DMD: variants seen among roughly 807,000 people sequenced by gnomAD.
DMD encodes dystrophin.
DMD carries 63 observed loss-of-function variants against 330.1 expected under a neutral mutation model. The observed-to-expected ratio is 0.19, with a 90% confidence interval of 0.16 to 0.24. The LOEUF is 0.24. Ranked by LOEUF, DMD falls within the 10% of genes least tolerant of loss-of-function variation. The pLI, the probability that DMD is intolerant of heterozygous loss-of-function variation, is 1.00. For missense variants in DMD, 3,344 were observed against 2,684.1 expected (o/e 1.25, Z -5.43); for synonymous variants, 1,223 against 959.8 (o/e 1.27, Z -5.07).
chrX:32,780,093 G>A (rs998036597), intron 7 of DMD, among the ~76,000 whole-genome samples: 2 of 111,711 alleles, frequency 1.8e-5, no homozygotes, highest in African/African-American at 6.5e-5. Context: ...TACCCGATAT[G>A]TAGTGTGTAT....
intron 25 of DMD, among the ~76,000 whole-genome samples, chrX:32,461,417 C>A (rs759681411): frequency 1.6e-4 from 18 of 111,144 alleles, no homozygotes; most frequent in Non-Finnish European, 2.8e-4. Context: ...AGGAAAAGCA[C>A]AGATACATAT....
chrX:32,141,196 C>A (rs1460690769), intron 44 of DMD, among the ~76,000 whole-genome samples: 1 of 107,937 alleles, frequency 9.3e-6, no homozygotes, highest in East Asian at 2.9e-4. Flanking sequence ...GAGGCTGAGT[C>A]GGGTGGATGA....
At chrX:31,377,311 T>C (rs1244784704) in intron 60 of DMD, among the ~76,000 whole-genome samples, 1 of 111,839 alleles carries the variant, frequency 8.9e-6, no homozygotes, top group Non-Finnish European at 1.9e-5. Flanking sequence ...TTCAGCTCAA[T>C]GCAAGAGATA....
chrX:32,694,390 C>T (rs747638161), intron 9 of DMD, among the ~76,000 whole-genome samples: 19 of 111,937 alleles, frequency 1.7e-4, no homozygotes, highest in African/African-American at 4.2e-4. Flanking sequence ...GAAATCCTAA[C>T]GTTCACTCCC....
intron 49 of DMD, among the ~76,000 whole-genome samples, chrX:31,832,593 C>T (rs2093076471): frequency 8.9e-6 from 1 of 112,010 alleles, no homozygotes; most frequent in Admixed American, 9.5e-5. Flanking sequence ...TGGGATGGAA[C>T]GCTTTGGCCA....
At chrX:31,283,483 T>G (rs1331199996) in intron 62 of DMD, among the ~76,000 whole-genome samples, 1 of 111,706 alleles carries the variant, frequency 9.0e-6, no homozygotes, top group East Asian at 2.8e-4. Flanking sequence ...TGAGTTTAGC[T>G]CTCTGAAGCA....
chrX:32,335,971 GTATAACATGTTATA>G (rs2097710704), intron 41 of DMD, among the ~76,000 whole-genome samples: 1 of 100,544 alleles, frequency 9.9e-6, no homozygotes, highest in Non-Finnish European at 2.0e-5. Context: ...GTGTATATGT[GTATAACATGTTATA>G]TATAACGTGT....
At chrX:31,304,087 A>G (rs1258386351) in intron 62 of DMD, among the ~76,000 whole-genome samples, 1 of 112,382 alleles carries the variant, frequency 8.9e-6, no homozygotes, top group Non-Finnish European at 1.9e-5. Flanking sequence ...AAAGCATTTT[A>G]GCATTTGTGA....
At chrX:31,641,076 G>A (rs2079710702) in intron 54 of DMD, among the ~76,000 whole-genome samples, 1 of 112,397 alleles carries the variant, frequency 8.9e-6, no homozygotes, top group South Asian at 3.7e-4. Flanking sequence ...TAGAAGACAT[G>A]TTGTAACCAC....
At chrX:32,739,360 G>A (rs1269617135) in intron 7 of DMD, among the ~76,000 whole-genome samples, 1 of 111,610 alleles carries the variant, frequency 9.0e-6, no homozygotes, top group Admixed American at 9.6e-5. Flanking sequence ...AAAAAATTAA[G>A]TGTTTTAGTA....
intron 55 of DMD, 126 bp from the exon 56 acceptor site, chrX:31,507,579 AAACT>A: frequency 4.4e-6 from 3 of 678,721 alleles, no homozygotes; most frequent in Non-Finnish European, 6.6e-6. Context: ...CAATCAGGCT[AAACT>A]AACAAGAAGA....
chrX:31,511,517 G>A lies in DMD; in HGVS notation c.8218-4064C>T, dbSNP rs1348248170. 2.2e-3 allele frequency among the ~76,000 whole-genome samples: 176 copies of A among 80,331 alleles called. 1 individual carries two copies. Among genetic ancestry groups the A allele is most frequent in the African/African-American group, 8.4e-3 (169 of 20,000 alleles). 69.8% of individuals were successfully genotyped at this position (80,331 alleles called of 115,157 possible). A position where few individuals can be genotyped will look rare whatever the true frequency, so the allele number is the denominator to read the frequency against. On this transcript the variant is annotated intron_variant, in intron 55 of 78. Transcript: ENST00000357033. ...CCCACAACAGTCCCCAGAGTGTGAT[G>A]TTCCCCTTCCTGTGTCCATGTGTTC...
rs56825056 is a variant in DMD, at chrX:31,536,976, G to A, written c.8218-29523C>T. 7.2e-3 allele frequency among the ~76,000 whole-genome samples: 795 copies of A among 110,640 alleles called. 3 individuals are homozygous for A. The highest frequency in any genetic ancestry group is 0.024 in the African/African-American group (716 of 30,410). ...CTATGGCCCTTTCTCTCTTCCCATC[G>A]CAGCCAAAAGTCTTAAAATAATTGT... On this transcript the variant is annotated intron_variant, in intron 55 of 78. Transcript: ENST00000357033.
At chrX:31,502,658 C>A (rs1012577859) in intron 56 of DMD, among the ~76,000 whole-genome samples, 8 of 111,174 alleles carry the variant, frequency 7.2e-5, no homozygotes, top group African/African-American at 2.6e-4. Flanking sequence ...GTAAATTCTG[C>A]TGAAATTATG....
At chrX:32,551,336 A>G (rs1034751295) in intron 16 of DMD, among the ~76,000 whole-genome samples, 1 of 111,619 alleles carries the variant, frequency 9.0e-6, no homozygotes, top group Non-Finnish European at 1.9e-5. Context: ...TTCAACATAC[A>G]CAAGTCAATA....
chrX:31,477,074 T>G (rs57654107), intron 59 of DMD, among the ~76,000 whole-genome samples: 7,370 of 111,516 alleles, frequency 0.066, 203 homozygotes, highest in East Asian at 0.2. Flanking sequence ...CAAATGAACT[T>G]GGTTTCAGAA....
chrX:32,565,982 A>G (rs952573838), intron 15 of DMD, 101 bp from the exon 16 acceptor site: 14 of 758,660 alleles, frequency 1.8e-5, no homozygotes, highest in South Asian at 4.7e-5. Flanking sequence ...TGCATAGATA[A>G]GAAAATATTT....
At chrX:32,406,802 G>T (rs982461812) in intron 30 of DMD, among the ~76,000 whole-genome samples, 1 of 111,329 alleles carries the variant, frequency 9.0e-6, no homozygotes, top group Non-Finnish European at 1.9e-5. Context: ...ACAGAACAAA[G>T]CCCTCATAAA....
chrX:32,231,819 T>C (rs771907351), intron 43 of DMD, among the ~76,000 whole-genome samples: 2 of 111,773 alleles, frequency 1.8e-5, no homozygotes, highest in East Asian at 5.6e-4. Context: ...TAAGTTTTAC[T>C]TTATTGAAAC....
Sources: gnomAD v4.1 joint callset for allele counts (sites outside exome capture counted in the v4.1 genomes callset) on GRCh38, gnomAD v4.1.1 for gene constraint, MANE v1.5 for transcripts, NCBI Gene and HGNC (gene_info 2026-07-23, HGNC 2026-07-21) for gene names.